Variants in ZNF521 observed in about 807,000 individuals in gnomAD.
The protein encoded by ZNF521 is LYST-interacting protein 3.
Under a neutral mutation model 105.5 loss-of-function variants are expected in ZNF521, and 14 were observed. The observed-to-expected ratio is 0.13, with a 90% CI of 0.09 to 0.21. The LOEUF is 0.21. Ranked by LOEUF, ZNF521 falls within the 10% of genes least tolerant of loss-of-function variation. The pLI is 1.00. For synonymous variants in ZNF521, 635 were observed against 606.0 expected, an observed-to-expected ratio of 1.05 and a Z score of -0.70; for missense variants, 1,233 against 1,629.7, an observed-to-expected ratio of 0.76 and a Z score of 4.19.
chr18:25,119,447 G>T (rs946226295), intron 5 of ZNF521, among the ~76,000 whole-genome samples: 23 of 151,912 alleles, frequency 1.5e-4, no homozygotes, highest in Non-Finnish European at 3.1e-4. Flanking sequence ...AAATTTAATA[G>T]AATTAAAATC....
intron 4 of ZNF521, among the ~76,000 whole-genome samples, chr18:25,221,449 A>G (rs1342375643): frequency 1.3e-5 from 2 of 152,134 alleles, no homozygotes; most frequent in Non-Finnish European, 2.9e-5. Flanking sequence ...ATGTTTACCG[A>G]TATTCTATGT....
rs1359674906 is a variant in ZNF521 at position 25,227,728 on chromosome 18, T to C, written c.221-31A>G. 3 of 1,568,960 alleles carry C rather than the reference T, an allele frequency of 1.9e-6. No individual in the cohort carries two copies. The highest frequency in any genetic ancestry group is 1.3e-5 in the African/African-American group (1 of 74,098). ...ACAAGAAGCAATGACAAATTTCATCTGACATGTTGAGATTCAAGAGTGAGT... is the reference window on the plus strand; with the variant it reads ...ACAAGAAGCAATGACAAATTTCATCCGACATGTTGAGATTCAAGAGTGAGT... On this transcript the variant is annotated intron_variant, in intron 3 of 7. Transcript: ENST00000361524. This position sits in a 1 kb window ranked among gnomAD's most constrained non-coding sequence, Gnocchi z 5.7.
At chr18:25,313,860 T>C (rs761585211) in intron 3 of ZNF521, among the ~76,000 whole-genome samples, 6 of 152,036 alleles carry the variant, frequency 3.9e-5, no homozygotes, top group Non-Finnish European at 8.8e-5. Flanking sequence ...ATGGAGGCCA[T>C]GAAACTGCAT....
intron 5 of ZNF521, among the ~76,000 whole-genome samples, chr18:25,141,571 G>A (rs1477841592): frequency 6.6e-6 from 1 of 152,138 alleles, no homozygotes; most frequent in African/African-American, 2.4e-5. Context: ...ACTGCTCTTT[G>A]CCAGAGATGG....
chr18:25,250,140 C>T (rs1162621982), intron 3 of ZNF521, among the ~76,000 whole-genome samples: 9 of 151,974 alleles, frequency 5.9e-5, no homozygotes, highest in African/African-American at 9.7e-5. Context: ...GGGGTTTCAT[C>T]GTATTAGCCA....
intron 4 of ZNF521, among the ~76,000 whole-genome samples, chr18:25,219,476 G>A (rs996688363): frequency 6.6e-6 from 1 of 152,204 alleles, no homozygotes; most frequent in Non-Finnish European, 1.5e-5. Context: ...GAGTGGATAC[G>A]TGTAGCAGGC....
At chr18:25,223,637 G>GT (rs576139889) in intron 4 of ZNF521, among the ~76,000 whole-genome samples, 127 of 150,962 alleles carry the variant, frequency 8.4e-4, no homozygotes, top group Non-Finnish European at 1.7e-3. Flanking sequence ...AAATGAACTT[G>GT]TTTTTTGTAC....
intron 5 of ZNF521, among the ~76,000 whole-genome samples, chr18:25,114,531 G>A (rs138163264): frequency 6.6e-6 from 1 of 152,256 alleles, no homozygotes; most frequent in South Asian, 2.1e-4. Flanking sequence ...AGCATAGTGG[G>A]CAGGATAAAT....
chr18:25,238,067 T>C (rs1441999348), intron 3 of ZNF521, among the ~76,000 whole-genome samples: 2 of 152,208 alleles, frequency 1.3e-5, no homozygotes, highest in African/African-American at 4.8e-5. Flanking sequence ...ACAGTGGCAC[T>C]GAAACCCACA....
intron 5 of ZNF521, among the ~76,000 whole-genome samples, chr18:25,115,153 C>T (rs2034277761): frequency 6.6e-6 from 1 of 152,186 alleles, no homozygotes. Context: ...CTCAAAAGCA[C>T]TGCCTCTTAA....
intron 3 of ZNF521, among the ~76,000 whole-genome samples, chr18:25,254,149 A>G (rs974936075): frequency 1.3e-5 from 2 of 152,134 alleles, no homozygotes; most frequent in African/African-American, 2.4e-5. Flanking sequence ...TCTAGGCTCT[A>G]TATCAACTTC....
intron 5 of ZNF521, among the ~76,000 whole-genome samples, chr18:25,160,765 A>C (rs1330979272): frequency 2.0e-5 from 3 of 152,132 alleles, no homozygotes; most frequent in African/African-American, 7.2e-5. Flanking sequence ...CGTATGCCAT[A>C]ATGGGAATGA....
intron 7 of ZNF521, among the ~76,000 whole-genome samples, chr18:25,064,848 C>G (rs1002438660): frequency 2.6e-5 from 4 of 152,148 alleles, no homozygotes; most frequent in African/African-American, 9.7e-5. Flanking sequence ...ATGATGCAGA[C>G]CAGTATTTCA....
intron 2 of ZNF521, among the ~76,000 whole-genome samples, chr18:25,346,835 G>A (rs1274896594): frequency 2.6e-5 from 4 of 152,070 alleles, no homozygotes; most frequent in African/African-American, 9.7e-5. Context: ...GAACACCTGA[G>A]GGTTCAGATA....
At chr18:25,150,695 C>A (rs942497728) in intron 5 of ZNF521, among the ~76,000 whole-genome samples, 1 of 152,036 alleles carries the variant, frequency 6.6e-6, no homozygotes, top group Non-Finnish European at 1.5e-5. Context: ...ATCCCTTCCT[C>A]TCTTTTATCT....
At chr18:25,110,969 G>T (rs895270855) in intron 5 of ZNF521, among the ~76,000 whole-genome samples, 1 of 151,898 alleles carries the variant, frequency 6.6e-6, no homozygotes, top group Non-Finnish European at 1.5e-5. Context: ...CACCATGTTG[G>T]CCAGGCTGGT....
At chr18:25,295,304 C>T (rs1911265547) in intron 3 of ZNF521, among the ~76,000 whole-genome samples, 1 of 152,122 alleles carries the variant, frequency 6.6e-6, no homozygotes, top group Non-Finnish European at 1.5e-5. Flanking sequence ...TCGACATTTG[C>T]AGGGGTTGTC....
intron 2 of ZNF521, among the ~76,000 whole-genome samples, chr18:25,346,668 A>C (rs1914476485): frequency 1.3e-5 from 2 of 152,242 alleles, no homozygotes. Flanking sequence ...AAGAAGGTAA[A>C]TGGGGGAAAG....
At chr18:25,240,055 T>C (rs1231348791) in intron 3 of ZNF521, among the ~76,000 whole-genome samples, 2 of 152,136 alleles carry the variant, frequency 1.3e-5, no homozygotes, top group African/African-American at 4.8e-5. Context: ...CTATTGTCGT[T>C]CAGGGCTGTT....
Sources: allele counts gnomAD v4.1 joint callset (sites outside exome capture counted in the v4.1 genomes callset), GRCh38; gene constraint gnomAD v4.1.1; non-coding constraint Gnocchi (gnomAD v3.1); transcripts MANE v1.5; gene names NCBI Gene and HGNC (gene_info 2026-07-23, HGNC 2026-07-21).